Variants in ATP13A3 observed in about 807,000 individuals in gnomAD.
The protein encoded by ATP13A3 is polyamine-transporting ATPase 13A3.
ATP13A3 carries 59 observed loss-of-function variants against 158.1 expected under a neutral mutation model. That is an observed-to-expected ratio of 0.37 (90% CI 0.30 to 0.46). The LOEUF (loss-of-function observed/expected upper bound fraction) is 0.46. ATP13A3 is among the 20% of genes least tolerant of loss of function. ATP13A3 has a pLI of 1.00. For missense variants in ATP13A3, 1,166 were observed against 1,525.2 expected (o/e 0.76, Z 3.92); for synonymous variants, 491 against 504.3 (o/e 0.97, Z 0.35).
At chr3:194,453,614 G>C in intron 10 of ATP13A3, 92 bp downstream of exon 10, 1 of 933,082 alleles carries the variant, frequency 1.1e-6, no homozygotes, top group Non-Finnish European at 1.7e-6. Flanking sequence ...ATCAATCAAA[G>C]AATGTATATG....
At chr3:194,439,090 A>G (rs1478024272) in intron 16 of ATP13A3, 118 bp from the exon 17 acceptor site, 2 of 594,594 alleles carry the variant, frequency 3.4e-6, no homozygotes, top group Non-Finnish European at 5.6e-6. Flanking sequence ...CAATAATTAA[A>G]AAAAATGTAT....
intron 4 of ATP13A3, 102 bp downstream of exon 4, chr3:194,460,556 C>T: frequency 8.5e-7 from 1 of 1,181,222 alleles, no homozygotes; most frequent in Non-Finnish European, 1.2e-6. Flanking sequence ...TCATTTTATC[C>T]AGGCAGCGAT....
intron 33 of ATP13A3, among the ~76,000 whole-genome samples, chr3:194,408,977 A>C (rs573375234): frequency 6.6e-6 from 1 of 152,324 alleles, no homozygotes; most frequent in Admixed American, 6.5e-5. Flanking sequence ...CAGAATGAGC[A>C]TGTGGGTCTC....
In ATP13A3 at chr3:194,448,104, G is replaced by A. The variant is rs377538233; in HGVS notation, c.1151-95C>T. On this transcript the variant is annotated intron_variant, in intron 12 of 33. Transcript: ENST00000645319. This position sits in a 1 kb window ranked among gnomAD's most constrained non-coding sequence, Gnocchi z 4.0. Reference sequence around the variant, plus strand: ...TCTCTTTTTTTTTTTTTGAGACAGAGTCTCGCTCTGTCACCCAGGCTGGAG... The same window carrying A: ...TCTCTTTTTTTTTTTTTGAGACAGAATCTCGCTCTGTCACCCAGGCTGGAG... 277 of 1,198,630 alleles carry A rather than the reference G, an allele frequency of 2.3e-4. 3 individuals carry two copies. The African/African-American group carries it at 3.8e-3, about 17-fold the overall frequency. 74.2% of individuals were successfully genotyped at this position (1,198,630 alleles called of 1,614,324 possible). A position where few individuals can be genotyped will look rare whatever the true frequency, so the allele number is the denominator to read the frequency against.
At chr3:194,447,232 A>ATG in intron 13 of ATP13A3, 117 bp from the exon 14 acceptor site, 3 of 823,068 alleles carry the variant, frequency 3.6e-6, no homozygotes, top group South Asian at 1.8e-5. Context: ...AATTTTATGT[A>ATG]TGTGTGTGTA....
chr3:194,454,805 CAG>C (rs1220326597), intron 8 of ATP13A3, among the ~76,000 whole-genome samples: 2 of 142,322 alleles, frequency 1.4e-5, no homozygotes, highest in East Asian at 4.1e-4. Flanking sequence ...GCCTGGGAGA[CAG>C]AGCGAGACTC....
intron 2 of ATP13A3, among the ~76,000 whole-genome samples, chr3:194,483,246 T>C (rs1201006407): frequency 6.6e-6 from 1 of 151,338 alleles, no homozygotes; most frequent in South Asian, 2.1e-4. Flanking sequence ...ATCGTGCCAC[T>C]ACACTCTAGC....
intron 33 of ATP13A3, among the ~76,000 whole-genome samples, chr3:194,409,384 A>G (rs536682540): frequency 1.5e-4 from 23 of 152,356 alleles, no homozygotes; most frequent in Admixed American, 3.3e-4. Context: ...CCACTACACC[A>G]TACAAACTAC....
rs1721177585 is a variant in ATP13A3 at position 194,494,074 on chromosome 3, C to T, written n.722G>A. ...CCCGAAAGCACAGCCAGGATTCAAA[C>T]CCAGACACTTTGCTCCAGGGCCAAA... On this transcript the variant is annotated non_coding_transcript_exon_variant, in exon 2 of 33. Coordinates refer to the ATP13A3 transcript ENST00000687055. This position sits in a 1 kb window ranked among gnomAD's most constrained non-coding sequence, Gnocchi z 4.2. 2 of 398,184 alleles carry T rather than the reference C, an allele frequency of 5.0e-6. No individual in the cohort carries two copies. Among genetic ancestry groups the T allele is most frequent in the African/African-American group, 4.1e-5 (2 of 48,580 alleles). 24.7% of individuals were successfully genotyped at this position (398,184 alleles called of 1,614,324 possible). A position where few individuals can be genotyped will look rare whatever the true frequency, so the allele number is the denominator to read the frequency against.
intron 26 of ATP13A3, 54 bp from the exon 27 acceptor site, chr3:194,429,828 T>C: frequency 6.8e-7 from 1 of 1,476,404 alleles, no homozygotes; most frequent in Non-Finnish European, 9.4e-7. Flanking sequence ...TAAACTCCTT[T>C]TCCAAACCAC....
At chr3:194,430,659 A>C (rs1717149269) in intron 24 of ATP13A3, among the ~76,000 whole-genome samples, 1 of 152,190 alleles carries the variant, frequency 6.6e-6, no homozygotes, top group South Asian at 2.1e-4. Context: ...TAATAACCTG[A>C]AACATAACTG....
At chr3:194,491,224 G>C (rs1276821833), upstream of ATP13A3, among the ~76,000 whole-genome samples, 1 of 152,042 alleles carries the variant, frequency 6.6e-6, no homozygotes, top group East Asian at 1.9e-4. Context: ...ATTTTCACAT[G>C]GGGTTTCACT....
At chr3:194,459,692 G>A in intron 5 of ATP13A3, 97 bp downstream of exon 5, 1 of 1,320,860 alleles carries the variant, frequency 7.6e-7, no homozygotes, top group South Asian at 1.5e-5. Flanking sequence ...TTTATCTCAA[G>A]CATTAACTGC....
chr3:194,493,373 C>T (rs369707285), intron 2 of ATP13A3, among the ~76,000 whole-genome samples: 27 of 152,066 alleles, frequency 1.8e-4, no homozygotes, highest in African/African-American at 4.6e-4. Context: ...TTTAGCTGAG[C>T]GCACGGCTCA....
intron 21 of ATP13A3, among the ~76,000 whole-genome samples, chr3:194,432,452 T>C (rs1230112395): frequency 6.6e-6 from 1 of 152,222 alleles, no homozygotes; most frequent in East Asian, 1.9e-4. Flanking sequence ...GACAAAGGTT[T>C]GTGGATCCCA....
intron 2 of ATP13A3, among the ~76,000 whole-genome samples, chr3:194,482,441 T>C (rs560998949): frequency 6.6e-6 from 1 of 152,320 alleles, no homozygotes; most frequent in South Asian, 2.1e-4. Flanking sequence ...AGTTATCTAG[T>C]GATAACTGAT....
Position 194,431,847 on chromosome 3 carries a change from A to G in ATP13A3, c.2291T>C (p.Met764Thr). 6.2e-7 allele frequency: 1 copy of G among 1,610,266 alleles called. No individual in the cohort carries two copies. Among genetic ancestry groups the G allele is most frequent in the East Asian group, 2.2e-5 (1 of 44,760 alleles). Residue 764 changes from methionine (M) to threonine (T), a missense_variant, in exon 22 of 34, where the codon ATG becomes ACG. Coordinates refer to ENST00000645319, the MANE Select transcript of ATP13A3 (RefSeq NM_001367549.1). Reference protein sequence around the residue: ...TAVSVARDCGMILPQDKVIIA... With the variant: ...TAVSVARDCGTILPQDKVIIA... ...AATCACTTTATCCTGAGGTAGAATC[A>G]TTCCACAATCTCTGGCCACAGAGAC...
Position 194,431,005 on chromosome 3 carries a change from G to A in ATP13A3, c.2562C>T (p.Thr854=), listed in dbSNP as rs367633827. The part of the protein sequence containing the change: ...DLVPKLMLHG[T]VFARMAPDQK... ...GATCAGGTGCCATACGGGCAAACAC[G>A]GTGCCATGCAACATCAACTGGAAAC... Residue 854 remains threonine (T), a synonymous_variant, in exon 24 of 34, where the codon ACC becomes ACT. Coordinates refer to ENST00000645319, the MANE Select transcript of ATP13A3 (RefSeq NM_001367549.1). 3.3e-5 allele frequency: 53 copies of A among 1,613,146 alleles called. No individual in the cohort carries two copies. The highest frequency in any genetic ancestry group is 8.3e-5 in the Admixed American group (5 of 59,952).
At chr3:194,447,138 T>A in intron 13 of ATP13A3, 23 bp from the exon 14 acceptor site, 13 of 1,566,200 alleles carry the variant, frequency 8.3e-6, no homozygotes, top group Non-Finnish European at 1.1e-5. Context: ...CAAAAATAAA[T>A]GTCAAATCCC....
Sources: gnomAD v4.1 joint callset for allele counts (sites outside exome capture counted in the v4.1 genomes callset) on GRCh38, gnomAD v4.1.1 for gene constraint, Gnocchi (gnomAD v3.1) non-coding constraint, MANE v1.5 for transcripts, NCBI Gene and HGNC (gene_info 2026-07-23, HGNC 2026-07-21) for gene names.